SRCAP: variants seen among roughly 807,000 people sequenced by gnomAD.
SRCAP encodes the protein chromatin remodeling protein SRCAP.
A neutral mutation model predicts 263.1 loss-of-function variants in SRCAP; 46 were observed. The observed-to-expected ratio is 0.17, with a 90% CI of 0.14 to 0.22. SRCAP has a LOEUF of 0.22. Among genes scored for constraint, SRCAP ranks in the 10% least tolerant of loss-of-function variants. The pLI, the probability that SRCAP is intolerant of heterozygous loss-of-function variation, is 1.00. For missense variants in SRCAP, 3,695 were observed against 4,181.9 expected, an observed-to-expected ratio of 0.88 and a Z score of 3.21; for synonymous variants, 1,813 against 1,662.1, an observed-to-expected ratio of 1.09 and a Z score of -2.21.
chr16:30,700,912 T>G, intron 3 of SRCAP, 34 bp downstream of exon 3: 8 of 1,609,286 alleles, frequency 5.0e-6, no homozygotes, highest in Non-Finnish European at 6.8e-6. Context: ...TCTCTGCTTC[T>G]GCTTTGTGGA....
At chr16:30,732,093 T>C (rs937528466) in intron 27 of SRCAP, among the ~76,000 whole-genome samples, 1 of 152,050 alleles carries the variant, frequency 6.6e-6, no homozygotes. Context: ...TGCAGTGAGC[T>C]GAGATCGCAC....
rs761817448 is a variant in SRCAP at position 30,737,139 on chromosome 16, G to A, written c.7099G>A (p.Gly2367Arg). The change falls in exon 34 of 34, where the codon GGG becomes AGG. Residue 2367 changes from glycine to arginine, a missense_variant. Coordinates refer to ENST00000262518, the MANE Select transcript of SRCAP (RefSeq NM_006662.3). ...PQEEEEGPGAGDESSCGTGGG... is the reference protein window; with the variant it reads ...PQEEEEGPGARDESSCGTGGG... ...AGAGGAGGAGGAGGGGCCGGGGGCTGGGGATGAGAGTTCCTGTGGGACTGG... is the reference window on the plus strand; with the variant it reads ...AGAGGAGGAGGAGGGGCCGGGGGCTAGGGATGAGAGTTCCTGTGGGACTGG... The A allele has an allele frequency of 1.2e-6, 2 of 1,614,044 alleles. No homozygotes were observed. The highest frequency in any genetic ancestry group is 2.2e-5 in the South Asian group (2 of 91,088).
rs370394743 is a variant in SRCAP at position 30,729,599 on chromosome 16, C to A, written c.6127+27C>A. 14 of 1,610,362 alleles carry A rather than the reference C, an allele frequency of 8.7e-6. No individual in the cohort carries two copies. The African/African-American group carries it at 1.9e-4, about 22-fold the overall frequency. ...TGAGTTTGTTGGCCAGTGTAGGACC[C>A]TTGACTTCTCTTCTTTTCTTAGTAT... On this transcript the variant is annotated intron_variant, in intron 27 of 33. Coordinates refer to ENST00000262518, the MANE Select transcript of SRCAP (RefSeq NM_006662.3).
chr16:30,704,337 G>A, intron 4 of SRCAP, 22 bp downstream of exon 4: 1 of 1,561,468 alleles, frequency 6.4e-7, no homozygotes. Context: ...AAAGGCTTAT[G>A]AAGATTCTTG....
chr16:30,734,275 G>A (rs1196011460), intron 30 of SRCAP: 8 of 653,168 alleles, frequency 1.2e-5, no homozygotes, highest in South Asian at 4.2e-5. Flanking sequence ...CCTAAGAGGC[G>A]GAGGTTGCAG....
In SRCAP at chr16:30,737,465, C is replaced by T; in HGVS notation, c.7425C>T (p.Thr2475=). ...PVPISAPNPI[T]ILPVHILPSP... ...CCATTTCAGCCCCAAATCCAATAAC[C>T]ATTCTCCCTGTCCATATCTTGCCTT... The change falls in exon 34 of 34, where the codon ACC becomes ACT. Residue 2475 remains threonine, a synonymous_variant. Transcript: ENST00000262518. 1 of 1,591,070 alleles carries T rather than the reference C, an allele frequency of 6.3e-7. No homozygotes were observed. The highest frequency in any genetic ancestry group is 2.3e-5 in the East Asian group (1 of 44,170).
intron 18 of SRCAP, among the ~76,000 whole-genome samples, chr16:30,718,682 G>C (rs2052978832): frequency 6.6e-6 from 1 of 151,724 alleles, no homozygotes; most frequent in African/African-American, 2.4e-5. Context: ...ACGTTGCCCA[G>C]CTGGTCTCGA....
chr16:30,711,366 A>G (rs2052889309), intron 10 of SRCAP, among the ~76,000 whole-genome samples: 1 of 152,152 alleles, frequency 6.6e-6, no homozygotes, highest in Non-Finnish European at 1.5e-5. Context: ...CCAGGTTGAT[A>G]ATGTTCTTCC....
At chr16:30,720,420 G>T in intron 19 of SRCAP, 89 bp downstream of exon 19, 1 of 1,444,160 alleles carries the variant, frequency 6.9e-7, no homozygotes, top group Non-Finnish European at 9.4e-7. Context: ...AAAAGAGTTG[G>T]ATGCAAGGCT....
In SRCAP at chr16:30,713,606, C is replaced by T. The variant is rs1431399810; in HGVS notation, c.2388C>T (p.Val796=). The T allele has an allele frequency of 3.7e-6, 6 of 1,614,090 alleles. No individual in the cohort carries two copies. The East Asian group carries it at 6.7e-5, about 18-fold the overall frequency. ...WSLMHFLMPH[V]FQSHREFKEW... is the part of the protein sequence containing the mutation. ...TGATGCACTTTTTGATGCCCCATGT[C>T]TTCCAGTCTCATCGCGAGTTCAAGG... is the stretch of plus-strand genomic sequence containing the variant. Residue 796 remains valine, a synonymous_variant, in exon 16 of 34, where the codon GTC becomes GTT. Transcript: ENST00000262518.
chr16:30,723,828 G>A lies in SRCAP; in HGVS notation c.4404G>A (p.Ser1468=), dbSNP rs768705762. Residue 1468 remains serine (S), a synonymous_variant, in exon 25 of 34, where the codon TCG becomes TCA. Transcript: ENST00000262518. ...PISAPLTVSA[S]GPALLTSVTP... is the part of the protein sequence containing the mutation. ...CAGCCCCCTTGACTGTTTCTGCTTC[G>A]GGCCCAGCTCTGTTGACCAGTGTGA... 13 of 1,613,724 alleles carry A rather than the reference G, an allele frequency of 8.1e-6. No homozygotes were observed. The East Asian group carries it at 2.0e-4, about 25-fold the overall frequency.
Position 30,712,795 on chromosome 16 carries a change from G to A in SRCAP, c.2110G>A (p.Glu704Lys). Residue 704 changes from glutamate (E) to lysine (K), a missense_variant, in exon 14 of 34, where the codon GAG becomes AAG. Physicochemically the swap from Glu to Lys is moderately conservative, Grantham distance 56. Around this residue, in one of 12 missense-constraint regions of SRCAP, gnomAD observed 121 missense variants for 330.7 expected, o/e 0.37. Coordinates refer to ENST00000262518, the MANE Select transcript of SRCAP (RefSeq NM_006662.3). ...CCTCACTTACTATGGAGCCCAGAAA[G>A]AGAGGAAGCTCAAGCGGCAGGTTCG... ...KILTYYGAQK[E>K]RKLKRQGWTK... 6.2e-7 allele frequency: 1 copy of A among 1,614,176 alleles called. No homozygotes were observed. The highest frequency in any genetic ancestry group is 1.1e-5 in the South Asian group (1 of 91,088).
At position 30,729,132 on chromosome 16, in the gene SRCAP, G is replaced by T. The variant is rs1168772653; in HGVS notation, c.5825G>T (p.Gly1942Val). ...AGCCCCATCGGCCCTCGTTCTCCTG[G>T]CCCCAGCCACCCCACCTTTTGGACT... ...VASPIGPRSP[G>V]PSHPTFWTYT... The change falls in exon 26 of 34, where the codon GGC (glycine) becomes GTC (valine). Residue 1942 changes from glycine (G) to valine (V), a missense_variant. Gly to Val is a moderately radical substitution (Grantham distance 109, BLOSUM62 -3). Around this residue, in one of 12 missense-constraint regions of SRCAP, gnomAD observed 1,347 missense variants for 1,304.4 expected, o/e 1.03. Transcript: ENST00000262518. 2 of 1,613,996 alleles carry T rather than the reference G, an allele frequency of 1.2e-6. No individual in the cohort carries two copies. Among genetic ancestry groups the T allele is most frequent in the Non-Finnish European group, 1.7e-6 (2 of 1,180,038 alleles).
intron 20 of SRCAP, 45 bp downstream of exon 20, chr16:30,721,023 GGTT>G: frequency 6.4e-7 from 1 of 1,563,312 alleles, no homozygotes; most frequent in Non-Finnish European, 8.7e-7. Flanking sequence ...GCTTCAGAAA[GGTT>G]GTTCAGACTG....
At position 30,734,324 on chromosome 16, in the gene SRCAP, C is replaced by G. The variant is rs564509021; in HGVS notation, c.6610-172C>G. 9.4e-6 allele frequency: 9 copies of G among 960,670 alleles called. No individual in the cohort carries two copies. The Admixed American group carries it at 1.3e-4, about 14-fold the overall frequency. 59.5% of individuals were successfully genotyped at this position (960,670 alleles called of 1,614,324 possible). A position where few individuals can be genotyped will look rare whatever the true frequency, so the allele number is the denominator to read the frequency against. ...CGCCATTGCACTTTAGCCTGGGTGA[C>G]GAGCAAAACCGTCTCAAAAAAGAAA... On this transcript the variant is annotated intron_variant, in intron 30 of 33. Transcript: ENST00000262518.
Position 30,722,558 on chromosome 16 carries a change from C to T in SRCAP, c.3707-5C>T, listed in dbSNP as rs780283561. 6.2e-7 allele frequency: 1 copy of T among 1,613,726 alleles called. No homozygotes were observed. The highest frequency in any genetic ancestry group is 1.3e-5 in the African/African-American group (1 of 75,048). On this transcript the variant is annotated splice_region_variant and splice_polypyrimidine_tract_variant and intron_variant, in intron 22 of 33. Coordinates refer to ENST00000262518, the MANE Select transcript of SRCAP (RefSeq NM_006662.3). ...TCTCTCTCTTTCTCTCTTCCCTTAA[C>T]CCAGGGAATGTGGTGCACCTCGTGT...
At chr16:30,706,138 T>C (rs1433793704) in intron 4 of SRCAP, among the ~76,000 whole-genome samples, 1 of 152,150 alleles carries the variant, frequency 6.6e-6, no homozygotes, top group African/African-American at 2.4e-5. Context: ...TTCTCTGATT[T>C]AGTTTTTATC....
rs747925197 is a variant in SRCAP, at chr16:30,721,202, C to T, written c.3267C>T (p.Pro1089=). The change falls in exon 21 of 34, where the codon CCC becomes CCT. Residue 1089 remains proline (P), a synonymous_variant. Coordinates refer to ENST00000262518, the MANE Select transcript of SRCAP (RefSeq NM_006662.3). ...SGSLPQVLPS[P]LGVLSGTSRP... Reference sequence around the variant, plus strand: ...TTGTGTCTGCAGTGTTGCCATCCCCCCTGGGGGTCCTGAGTGGGACCTCAC... The same window carrying T: ...TTGTGTCTGCAGTGTTGCCATCCCCTCTGGGGGTCCTGAGTGGGACCTCAC... The T allele has an allele frequency of 4.3e-6, 7 of 1,609,922 alleles. No homozygotes were observed. The highest frequency in any genetic ancestry group is 1.3e-5 in the African/African-American group (1 of 74,970).
chr16:30,708,407 T>A lies in SRCAP; in HGVS notation c.633+695T>A, dbSNP rs572464076. Among the ~76,000 whole-genome samples the A allele has an allele frequency of 9.3e-4, 142 of 152,256 alleles. 1 individual carries two copies. Among genetic ancestry groups the A allele is most frequent in the African/African-American group, 3.2e-3 (131 of 41,548 alleles). ...AAATTCTTTTTAATTTCTTTTTTTT[T>A]AATTTTTTTGTGAAACAGAGTCTCA... On this transcript the variant is annotated intron_variant, in intron 6 of 33. Transcript: ENST00000262518.
Sources: gnomAD v4.1 joint callset for allele counts (sites outside exome capture counted in the v4.1 genomes callset) on GRCh38, gnomAD v4.1.1 for gene constraint, gnomAD v4.1.1 regional missense constraint, MANE v1.5 for transcripts, NCBI Gene and HGNC (gene_info 2026-07-23, HGNC 2026-07-21) for gene names.